ARL9: variants seen among roughly 807,000 people sequenced by gnomAD.
ARL9 encodes ARF like GTPase 9.
A neutral mutation model predicts 27.0 loss-of-function variants in ARL9; 14 were observed. That is an observed-to-expected ratio of 0.52 (90% CI 0.34 to 0.81). The LOEUF (loss-of-function observed/expected upper bound fraction) is 0.81, where lower values mean the gene tolerates loss of function less well. Among genes scored for constraint, ARL9 ranks in the 30% least tolerant of loss-of-function variants. The pLI, the probability that ARL9 is intolerant of heterozygous loss-of-function variation, is 0.01. For synonymous variants in ARL9, 106 were observed against 108.7 expected, an observed-to-expected ratio of 0.98 and a Z score of 0.15; for missense variants, 294 against 290.0, an observed-to-expected ratio of 1.01 and a Z score of -0.10.
chr4:56,509,269 C>CAG (rs1300416754), intron 1 of ARL9, among the ~76,000 whole-genome samples: 1 of 145,044 alleles, frequency 6.9e-6, no homozygotes, highest in Non-Finnish European at 1.5e-5. Flanking sequence ...GGTGTCATCT[C>CAG]AGCTCCTGCA....
chr4:56,523,934 G>C lies in ARL9; in HGVS notation c.*58G>C. ...GAGATGTCATCAGTGTTGAATGGCA[G>C]GCTTGAAGCCAAAGGTTTCCACCTC... On this transcript the variant is annotated 3_prime_UTR_variant, in exon 4 of 4. Transcript: ENST00000640821. 1 of 1,487,856 alleles carries C rather than the reference G, an allele frequency of 6.7e-7. No homozygotes were observed. The highest frequency in any genetic ancestry group is 9.0e-7 in the Non-Finnish European group (1 of 1,106,526). The allele number at this position is 1,487,856 out of a possible 1,614,324, so 92.2% of individuals were successfully genotyped here. A position where few individuals can be genotyped will look rare whatever the true frequency, so the allele number is the denominator to read the frequency against.
In ARL9 at chr4:56,523,973, G is replaced by T. The variant is rs571501795; in HGVS notation, c.*97G>T. 8.6e-4 allele frequency: 1,075 copies of T among 1,247,858 alleles called. No individual in the cohort carries two copies. The highest frequency in any genetic ancestry group is 1.1e-3 in the Non-Finnish European group (1,020 of 920,844). 77.3% of individuals were successfully genotyped at this position (1,247,858 alleles called of 1,614,324 possible). ...GGTTTCCACCTCAAATAAAAATTAA[G>T]CCATTTCCTATTTTCTCAGTGCATG... On this transcript the variant is annotated 3_prime_UTR_variant, in exon 4 of 4. Coordinates refer to ENST00000640821, the MANE Select transcript of ARL9 (RefSeq NM_001363794.2).
At chr4:56,509,302 C>T (rs924151695) in intron 1 of ARL9, among the ~76,000 whole-genome samples, 5 of 148,974 alleles carry the variant, frequency 3.4e-5, no homozygotes, top group Non-Finnish European at 7.4e-5. Context: ...CGGGTTCAAG[C>T]AATTCTCATG....
intron 1 of ARL9, chr4:56,506,564 AG>A (rs1721468345): frequency 1.1e-6 from 1 of 951,242 alleles, no homozygotes; most frequent in African/African-American, 1.8e-5. Flanking sequence ...CTTTGTCAGA[AG>A]GGGCAGGGTT....
At chr4:56,519,688 G>A (rs1578214480) in intron 3 of ARL9, among the ~76,000 whole-genome samples, 1 of 152,066 alleles carries the variant, frequency 6.6e-6, no homozygotes, top group East Asian at 1.9e-4. Flanking sequence ...GACTCAAATT[G>A]ATGTTCATAT....
intron 1 of ARL9, among the ~76,000 whole-genome samples, chr4:56,507,713 C>T (rs1027262016): frequency 2.0e-5 from 3 of 151,744 alleles, no homozygotes; most frequent in Admixed American, 6.6e-5. Context: ...GTGGCTCACA[C>T]CTGTAATCCC....
chr4:56,516,901 C>T (rs549599973), intron 2 of ARL9, among the ~76,000 whole-genome samples: 8 of 152,180 alleles, frequency 5.3e-5, no homozygotes, highest in African/African-American at 1.7e-4. Context: ...TGCCCTCCAG[C>T]CTGGATGACA....
upstream of ARL9, chr4:56,505,620 C>A: frequency 1.6e-6 from 1 of 616,936 alleles, no homozygotes. Context: ...TCCATCCGTA[C>A]GCCTCCGCCC....
Position 56,524,051 on chromosome 4 carries a change from A to G in ARL9, c.*175A>G. 2.0e-6 allele frequency: 1 copy of G among 488,922 alleles called. No individual in the cohort carries two copies. The highest frequency in any genetic ancestry group is 3.8e-5 in the Admixed American group (1 of 26,246). 30.3% of individuals were successfully genotyped at this position (488,922 alleles called of 1,614,324 possible). ...CATGGGTTCCACATCTGGGGATTCAAGAACTGTGGATCCAAAACATTCAAA... is the reference window on the plus strand; with the variant it reads ...CATGGGTTCCACATCTGGGGATTCAGGAACTGTGGATCCAAAACATTCAAA... On this transcript the variant is annotated 3_prime_UTR_variant, in exon 4 of 4. Transcript: ENST00000640821.
At chr4:56,507,679 A>G (rs1234557074) in intron 1 of ARL9, among the ~76,000 whole-genome samples, 5 of 151,558 alleles carry the variant, frequency 3.3e-5, no homozygotes, top group African/African-American at 4.8e-5. Context: ...AGGTACCACT[A>G]AGAAAGAAAA....
intron 3 of ARL9, among the ~76,000 whole-genome samples, chr4:56,521,206 G>A (rs1283750118): frequency 6.5e-5 from 9 of 138,840 alleles, no homozygotes; most frequent in African/African-American, 2.5e-4. Flanking sequence ...GTGACACTCC[G>A]CCCCAAAAAA....
intron 2 of ARL9, among the ~76,000 whole-genome samples, chr4:56,513,391 G>A (rs1721690962): frequency 1.3e-5 from 2 of 152,158 alleles, no homozygotes; most frequent in Non-Finnish European, 2.9e-5. Flanking sequence ...ACATTCTACA[G>A]ATCATCTCTA....
At chr4:56,513,504 C>G (rs930259027) in intron 2 of ARL9, among the ~76,000 whole-genome samples, 3 of 152,178 alleles carry the variant, frequency 2.0e-5, no homozygotes, top group Non-Finnish European at 4.4e-5. Flanking sequence ...GACAAAACCA[C>G]AAATCCTGGT....
Position 56,505,908 on chromosome 4 carries a change from C to G in ARL9, c.46C>G (p.Gln16Glu). Residue 16 changes from glutamine (Q) to glutamate (E), a missense_variant, in exon 1 of 4, where the codon CAG becomes GAG. Gln to Glu is a conservative substitution (Grantham distance 29). Coordinates refer to ENST00000640821, the MANE Select transcript of ARL9 (RefSeq NM_001363794.2). The part of the protein sequence containing the change: ...VKKKEKEKET[Q>E]EEKIGEKGRE... ...GAAGAAAGAGAAGGAAAAGGAGACG[C>G]AGGAGGAGAAAATCGGAGAAAAGGG... The G allele has an allele frequency of 8.0e-7, 1 of 1,248,394 alleles. No homozygotes were observed. The highest frequency in any genetic ancestry group is 1.0e-6 in the Non-Finnish European group (1 of 996,534). The allele number at this position is 1,248,394 out of a possible 1,614,324, so 77.3% of individuals were successfully genotyped here. A position where few individuals can be genotyped will look rare whatever the true frequency, so the allele number is the denominator to read the frequency against.
At chr4:56,520,061 G>A (rs563586309) in intron 3 of ARL9, among the ~76,000 whole-genome samples, 6 of 151,556 alleles carry the variant, frequency 4.0e-5, no homozygotes, top group African/African-American at 1.2e-4. Context: ...GGAGTGCAAT[G>A]GCGCAATTTC....
In ARL9 at chr4:56,510,095, C is replaced by A. The variant is rs939688029; in HGVS notation, c.280-1090C>A. On this transcript the variant is annotated intron_variant, in intron 1 of 3. Coordinates refer to ENST00000640821, the MANE Select transcript of ARL9 (RefSeq NM_001363794.2). Reference sequence around the variant, plus strand: ...AAGAGGGAGGCTGGGTGCGGTGGCTCATGCCTGTAATCCCAGCATTTTGGG... The same window carrying A: ...AAGAGGGAGGCTGGGTGCGGTGGCTAATGCCTGTAATCCCAGCATTTTGGG... Among the ~76,000 whole-genome samples, 4 of 151,878 alleles carry A rather than the reference C, an allele frequency of 2.6e-5. No individual in the cohort carries two copies. In the East Asian group the frequency reaches 7.8e-4, roughly 29 times the overall value.
chr4:56,508,899 C>T (rs17086922), intron 1 of ARL9, among the ~76,000 whole-genome samples: 19,817 of 152,042 alleles, frequency 0.13, 1,642 homozygotes, highest in East Asian at 0.27. Flanking sequence ...GCAGAACAAA[C>T]AGAAATGTAT....
rs934114713 is a variant in ARL9, at chr4:56,514,092, G to A, written c.442+2745G>A. ...AGGCTGAGGCAGGAGGATTGCTTGC[G>A]CCCAGAAGGCAGAAGTTGCAGTGAG... On this transcript the variant is annotated intron_variant, in intron 2 of 3. Transcript: ENST00000640821. 1.8e-4 allele frequency among the ~76,000 whole-genome samples: 27 copies of A among 152,232 alleles called. No homozygotes were observed. In the East Asian group the frequency reaches 3.1e-3, roughly 17 times the overall value.
In ARL9 at chr4:56,505,956, AAGG is replaced by A. The variant is rs1259909058; in HGVS notation, c.98_100del (p.Glu33del). The A allele has an allele frequency of 2.6e-5, 32 of 1,215,762 alleles. No homozygotes were observed. The highest frequency in any genetic ancestry group is 8.0e-5 in the Admixed American group (2 of 24,938). 75.3% of individuals were successfully genotyped at this position (1,215,762 alleles called of 1,614,324 possible). A position where few individuals can be genotyped will look rare whatever the true frequency, so the allele number is the denominator to read the frequency against. ...GGGTAGGGAAGAGAAAGTGAAAAGA[AAGG>A]AGGTGGAGCAGAAAATTAAACAAAA... is the stretch of plus-strand genomic sequence containing the variant. On this transcript the variant is annotated inframe_deletion, in exon 1 of 4. Coordinates refer to ENST00000640821, the MANE Select transcript of ARL9 (RefSeq NM_001363794.2).
Sources: gnomAD v4.1 joint callset for allele counts (sites outside exome capture counted in the v4.1 genomes callset) on GRCh38, gnomAD v4.1.1 for gene constraint, MANE v1.5 for transcripts, NCBI Gene and HGNC (gene_info 2026-07-23, HGNC 2026-07-21) for gene names.